GTF2A1: variants seen among roughly 807,000 people sequenced by gnomAD.
GTF2A1 encodes the protein transcription initiation factor IIA subunit 1.
Under a neutral mutation model 54.1 loss-of-function variants are expected in GTF2A1, and 12 were observed. The observed-to-expected ratio is 0.22, with a 90% CI of 0.14 to 0.36. GTF2A1 has a LOEUF of 0.36. Ranked by LOEUF, GTF2A1 falls within the 10% of genes least tolerant of loss-of-function variation. The pLI is 1.00. For missense variants in GTF2A1, 335 were observed against 442.2 expected (o/e 0.76, Z 2.17); for synonymous variants, 145 against 152.0 (o/e 0.95, Z 0.34).
chr14:81,180,274 A>C lies in GTF2A1; in HGVS notation c.1080T>G (p.Leu360=), dbSNP rs1458461194. 2 of 1,519,582 alleles carry C rather than the reference A, an allele frequency of 1.3e-6. No individual in the cohort carries two copies. Among genetic ancestry groups the C allele is most frequent in the African/African-American group, 2.7e-5 (2 of 72,960 alleles). 94.1% of individuals were successfully genotyped at this position (1,519,582 alleles called of 1,614,324 possible). Residue 360 remains leucine, a synonymous_variant, in exon 9 of 9, where the codon CTT becomes CTG. Transcript: ENST00000553612. Reference sequence around the variant, plus strand: ...TGGAAAATATATAATCTCTTCCATTAAGATTCATAATGCCATCCTTGAGAT... The same window carrying C: ...TGGAAAATATATAATCTCTTCCATTCAGATTCATAATGCCATCCTTGAGAT... ...KFHLKDGIMN[L]NGRDYIFSKA... is the part of the protein sequence containing the mutation.
chr14:81,188,143 T>C (rs73344349), intron 7 of GTF2A1, among the ~76,000 whole-genome samples: 2,302 of 152,368 alleles, frequency 0.015, 67 homozygotes, highest in African/African-American at 0.053. Flanking sequence ...GAAATGTCTA[T>C]TCAAGTTCTT....
At chr14:81,213,446 T>C (rs1893418099) in intron 2 of GTF2A1, among the ~76,000 whole-genome samples, 1 of 152,212 alleles carries the variant, frequency 6.6e-6, no homozygotes, top group Non-Finnish European at 1.5e-5. Context: ...GACTGACCAC[T>C]AGTTTGACCT....
chr14:81,207,139 G>GTACGTACCTACCTACC (rs985414261), intron 2 of GTF2A1, among the ~76,000 whole-genome samples: 1 of 147,780 alleles, frequency 6.8e-6, no homozygotes, highest in Non-Finnish European at 1.5e-5. Flanking sequence ...ACCTACCTAC[G>GTACGTACCTACCTACC]TACCTACCTA....
intron 8 of GTF2A1, 74 bp downstream of exon 8, chr14:81,185,457 T>G: frequency 1.2e-6 from 1 of 831,244 alleles, no homozygotes; most frequent in Non-Finnish European, 2.1e-6. Flanking sequence ...AATGTTTCAA[T>G]AAGGCAGAAA....
intron 3 of GTF2A1, among the ~76,000 whole-genome samples, chr14:81,202,403 C>CAA (rs1363188090): frequency 6.6e-6 from 1 of 152,166 alleles, no homozygotes; most frequent in Non-Finnish European, 1.5e-5. Flanking sequence ...TGACAGCTGA[C>CAA]AGACTCATGC....
At chr14:81,209,378 T>C (rs1254512650) in intron 2 of GTF2A1, among the ~76,000 whole-genome samples, 1 of 152,246 alleles carries the variant, frequency 6.6e-6, no homozygotes, top group East Asian at 1.9e-4. Context: ...CCCAGCCATG[T>C]GGAACTGTAA....
intron 2 of GTF2A1, among the ~76,000 whole-genome samples, chr14:81,208,800 G>C (rs146170778): frequency 1.6e-4 from 24 of 152,292 alleles, no homozygotes; most frequent in African/African-American, 5.8e-4. Context: ...GAGTTTTAAC[G>C]TAAGACTGCC....
intron 3 of GTF2A1, among the ~76,000 whole-genome samples, chr14:81,202,988 G>A (rs2140162694): frequency 6.6e-6 from 1 of 152,198 alleles, no homozygotes; most frequent in East Asian, 1.9e-4. Context: ...TGTCAAATGA[G>A]GCAAATGAGT....
At chr14:81,205,789 G>A (rs1051756751) in intron 2 of GTF2A1, among the ~76,000 whole-genome samples, 9 of 152,164 alleles carry the variant, frequency 5.9e-5, no homozygotes, top group African/African-American at 1.4e-4. Flanking sequence ...GCTTCTTCCC[G>A]TAGTAACAAG....
rs933918846 is a variant in GTF2A1, at chr14:81,220,677, G to A, written c.-159C>T. 2.2e-6 allele frequency: 1 copy of A among 449,970 alleles called. No homozygotes were observed. The highest frequency in any genetic ancestry group is 2.1e-5 in the African/African-American group (1 of 48,630). The allele number at this position is 449,970 out of a possible 1,614,324, so 27.9% of individuals were successfully genotyped here. A position where few individuals can be genotyped will look rare whatever the true frequency, so the allele number is the denominator to read the frequency against. ...ATCAATCCTGAAGGAGTAGGGGAGA[G>A]CGGAGAGAGGAGGAGGAGGGGGGCA... is the stretch of plus-strand genomic sequence containing the variant. On this transcript the variant is annotated 5_prime_UTR_variant, in exon 1 of 9. Coordinates refer to ENST00000553612, the MANE Select transcript of GTF2A1 (RefSeq NM_015859.4).
chr14:81,182,393 T>C (rs1308375388), intron 8 of GTF2A1, among the ~76,000 whole-genome samples: 1 of 152,218 alleles, frequency 6.6e-6, no homozygotes, highest in Non-Finnish European at 1.5e-5. Flanking sequence ...TCATCTGAAC[T>C]GATGGTATCA....
intron 7 of GTF2A1, among the ~76,000 whole-genome samples, chr14:81,185,999 C>G (rs1023453777): frequency 6.6e-6 from 1 of 152,156 alleles, no homozygotes; most frequent in African/African-American, 2.4e-5. Flanking sequence ...ACTACTGGCA[C>G]GCGCCACCAC....
intron 3 of GTF2A1, among the ~76,000 whole-genome samples, chr14:81,203,506 A>G (rs994557227): frequency 1.3e-5 from 2 of 152,234 alleles, no homozygotes; most frequent in African/African-American, 4.8e-5. Flanking sequence ...GAGAAAGCAA[A>G]TAACTATTGT....
intron 2 of GTF2A1, among the ~76,000 whole-genome samples, chr14:81,214,817 A>T (rs563104109): frequency 6.6e-6 from 1 of 152,234 alleles, no homozygotes; most frequent in Admixed American, 6.5e-5. Flanking sequence ...GAAAATAGCC[A>T]TATTTTAGTA....
At chr14:81,192,461 C>A in intron 7 of GTF2A1, 58 bp downstream of exon 7, 1 of 1,280,084 alleles carries the variant, frequency 7.8e-7, no homozygotes, top group Non-Finnish European at 1.1e-6. Context: ...CAGTGTTGTA[C>A]CAACTAAAAA....
chr14:81,200,655 G>GA (rs1019923344), intron 4 of GTF2A1, among the ~76,000 whole-genome samples: 28 of 149,836 alleles, frequency 1.9e-4, no homozygotes, highest in Middle Eastern at 3.4e-3. Context: ...TGAACGGAGG[G>GA]AAAAAAAAAT....
rs1566847774 is a variant in GTF2A1, at chr14:81,177,349, G to C, written c.*2874C>G. 2 of 152,082 alleles carry C rather than the reference G, an allele frequency of 1.3e-5. No individual in the cohort carries two copies. Among genetic ancestry groups the C allele is most frequent in the African/African-American group, 4.8e-5 (2 of 41,422 alleles). The allele number at this position is 152,082 out of a possible 1,614,324, so 9.4% of individuals were successfully genotyped here. A position where few individuals can be genotyped will look rare whatever the true frequency, so the allele number is the denominator to read the frequency against. ...CTCACATAACAGACATTTTACTCTA[G>C]AAATTAATTGCACATTAAAGAGTTG... On this transcript the variant is annotated 3_prime_UTR_variant, in exon 9 of 9. Transcript: ENST00000553612.
chr14:81,187,345 A>C (rs959076817), intron 7 of GTF2A1, among the ~76,000 whole-genome samples: 1 of 145,954 alleles, frequency 6.9e-6, no homozygotes, highest in Non-Finnish European at 1.5e-5. Context: ...GCAGAGTGAA[A>C]CTCCGTCTCA....
At chr14:81,211,531 C>G (rs1418954829) in intron 2 of GTF2A1, among the ~76,000 whole-genome samples, 1 of 152,160 alleles carries the variant, frequency 6.6e-6, no homozygotes, top group Non-Finnish European at 1.5e-5. Flanking sequence ...ATGAGACCTA[C>G]TGCTCCCCAA....
Sources: gnomAD v4.1 joint callset for allele counts (sites outside exome capture counted in the v4.1 genomes callset) on GRCh38, gnomAD v4.1.1 for gene constraint, MANE v1.5 for transcripts, NCBI Gene and HGNC (gene_info 2026-07-23, HGNC 2026-07-21) for gene names.